Variants in WDFY3 observed in about 807,000 individuals in gnomAD.
WDFY3 encodes WD repeat and FYVE domain-containing protein 3.
In WDFY3, 66 loss-of-function variants were observed where a neutral mutation model predicts 409.6. The ratio of observed to expected loss-of-function variants is 0.16; its 90% confidence interval spans 0.13 to 0.20. The LOEUF (loss-of-function observed/expected upper bound fraction) is 0.20, where lower values mean the gene tolerates loss of function less well. Ranked by LOEUF, WDFY3 falls within the 10% of genes least tolerant of loss-of-function variation. The pLI is 1.00. For missense variants in WDFY3, 3,031 were observed against 4,298.1 expected (o/e 0.71, Z 8.24); for synonymous variants, 1,521 against 1,537.1 (o/e 0.99, Z 0.25).
intron 6 of WDFY3, among the ~76,000 whole-genome samples, chr4:84,838,105 G>A (rs1392060382): frequency 6.6e-6 from 1 of 152,168 alleles, no homozygotes; most frequent in Non-Finnish European, 1.5e-5. Flanking sequence ...TAGGAGGTTA[G>A]GCCATATGGT....
chr4:84,929,469 G>GC (rs371877964), intron 2 of WDFY3, among the ~76,000 whole-genome samples: 5,546 of 136,842 alleles, frequency 0.041, 97 homozygotes, highest in African/African-American at 0.054. Context: ...ATTGAATTGC[G>GC]CCCCCCCCCC....
At chr4:84,892,210 G>A (rs776675162) in intron 3 of WDFY3, among the ~76,000 whole-genome samples, 25 of 151,620 alleles carry the variant, frequency 1.6e-4, no homozygotes, top group African/African-American at 2.4e-4. Flanking sequence ...TAAACATAGC[G>A]TCACAATCAA....
intron 58 of WDFY3, among the ~76,000 whole-genome samples, chr4:84,693,785 C>G (rs982001347): frequency 6.6e-6 from 1 of 151,392 alleles, no homozygotes; most frequent in Non-Finnish European, 1.5e-5. Context: ...GTTCCAGCTA[C>G]TTGGGAGGGT....
At chr4:84,675,060 T>C (rs887026074) in intron 67 of WDFY3, among the ~76,000 whole-genome samples, 1 of 151,706 alleles carries the variant, frequency 6.6e-6, no homozygotes, top group Non-Finnish European at 1.5e-5. Flanking sequence ...AACCTCTGTC[T>C]GCTGGGTTCA....
chr4:84,809,249 T>C (rs558257372), intron 14 of WDFY3: 2 of 152,376 alleles, frequency 1.3e-5, no homozygotes, highest in East Asian at 3.9e-4. Flanking sequence ...CTATATGTAA[T>C]TGTTTATTTA....
intron 6 of WDFY3, among the ~76,000 whole-genome samples, chr4:84,839,701 T>C (rs1757067653): frequency 6.6e-6 from 1 of 151,252 alleles, no homozygotes; most frequent in Non-Finnish European, 1.5e-5. Context: ...CTACCAAAAA[T>C]ACAAAAATTA....
chr4:84,963,133 A>C (rs570653763), intron 1 of WDFY3, among the ~76,000 whole-genome samples: 3 of 151,996 alleles, frequency 2.0e-5, no homozygotes, highest in East Asian at 1.9e-4. Flanking sequence ...AAAACAAAAA[A>C]AAAAAAACGG....
intron 47 of WDFY3, among the ~76,000 whole-genome samples, chr4:84,719,853 T>C (rs980310522): frequency 1.3e-5 from 2 of 152,206 alleles, no homozygotes; most frequent in African/African-American, 4.8e-5. Flanking sequence ...TGTACTTTTA[T>C]AGTTACATGA....
intron 34 of WDFY3, among the ~76,000 whole-genome samples, chr4:84,754,956 A>T (rs552267398): frequency 6.6e-6 from 1 of 152,204 alleles, no homozygotes; most frequent in African/African-American, 2.4e-5. Flanking sequence ...CCTCACAAAT[A>T]CCCTAAGAGA....
At chr4:84,820,312 T>C (rs983244368) in intron 11 of WDFY3, 126 bp from the exon 12 acceptor site, 1 of 654,864 alleles carries the variant, frequency 1.5e-6, no homozygotes, top group African/African-American at 1.9e-5. Context: ...ACAGATATAA[T>C]ATAATCTTTA....
intron 2 of WDFY3, among the ~76,000 whole-genome samples, chr4:84,911,791 AATCT>A (rs1007747575): frequency 1.2e-4 from 18 of 152,332 alleles, no homozygotes; most frequent in African/African-American, 4.3e-4. Flanking sequence ...AATATATACA[AATCT>A]ATTATAAAAA....
At position 84,756,970 on chromosome 4, in the gene WDFY3, C is replaced by A. The variant is rs140936553; in HGVS notation, c.5380G>T (p.Val1794Phe). ...PVSELPENLQ[V>F]SVPVISCRSK... is the part of the protein sequence containing the mutation. ...CGGCAGCTGATGACAGGCACACTGA[C>A]CTGCAGGTTCTCAGGCAGCTCACTA... The change falls in exon 33 of 68, where the codon GTC becomes TTC. Residue 1794 changes from valine (V) to phenylalanine (F), a missense_variant. This residue lies in a region of WDFY3 where 342 missense variants were observed against 463.7 expected (regional missense o/e 0.74). Coordinates refer to ENST00000295888, the MANE Select transcript of WDFY3 (RefSeq NM_014991.6). The A allele has an allele frequency of 1.0e-4, 165 of 1,613,954 alleles. 1 individual carries two copies. The highest frequency in any genetic ancestry group is 1.2e-4 in the Non-Finnish European group (138 of 1,179,968).
intron 66 of WDFY3, among the ~76,000 whole-genome samples, 172 bp from the exon 67 acceptor site, chr4:84,677,568 G>A (rs1318870119): frequency 6.6e-6 from 1 of 152,126 alleles, no homozygotes; most frequent in Non-Finnish European, 1.5e-5. Flanking sequence ...AAACTGAACC[G>A]AGCCCAAATT....
intron 1 of WDFY3, among the ~76,000 whole-genome samples, chr4:84,939,504 A>T (rs1771845752): frequency 6.6e-6 from 1 of 152,162 alleles, no homozygotes; most frequent in African/African-American, 2.4e-5. Flanking sequence ...CTACTACGCT[A>T]GCTACAAAAT....
rs116739987 is a variant in WDFY3 at position 84,779,661 on chromosome 4, G to A, written c.4365+447C>T. On this transcript the variant is annotated intron_variant, in intron 26 of 67. Transcript: ENST00000295888. ...TCACGTCTCCTGAGTAAGTAACAGA[G>A]ATAAAAGATGGTGGGGTGTGAGGTG... Among the ~76,000 whole-genome samples the A allele has an allele frequency of 8.9e-3, 1,349 of 152,230 alleles. 18 individuals are homozygous for A. The highest frequency in any genetic ancestry group is 0.031 in the African/African-American group (1,286 of 41,540).
chr4:84,806,535 A>G (rs1560808166), intron 15 of WDFY3, among the ~76,000 whole-genome samples: 2 of 149,758 alleles, frequency 1.3e-5, no homozygotes, highest in African/African-American at 5.1e-5. Flanking sequence ...ATTTAAGGCC[A>G]TAAGTAACTC....
chr4:84,707,289 T>C (rs1560567761), intron 53 of WDFY3, among the ~76,000 whole-genome samples: 1 of 152,030 alleles, frequency 6.6e-6, no homozygotes. Context: ...GGCTGCAGTG[T>C]AGAGGGCACA....
At chr4:84,781,184 T>A (rs1197515682) in intron 25 of WDFY3, among the ~76,000 whole-genome samples, 3 of 151,362 alleles carry the variant, frequency 2.0e-5, no homozygotes, top group Admixed American at 1.3e-4. Flanking sequence ...TAGGAGAGCA[T>A]AAGTTTATAG....
rs780373619 is a variant in WDFY3, at chr4:84,690,566, A to C, written c.9303T>G (p.Val3101=). 6.2e-7 allele frequency: 1 copy of C among 1,614,004 alleles called. No individual in the cohort carries two copies. The highest frequency in any genetic ancestry group is 1.3e-5 in the African/African-American group (1 of 74,888). Residue 3101 remains valine, a synonymous_variant, in exon 61 of 68, where the codon GTT becomes GTG. Transcript: ENST00000295888. ...KLVITGGTST[V]VCVWEMGTSK... ...AGGTGCCCATCTCCCACACACACACAACCGTGCTTGTTCCACCCGTGATGA... is the reference window on the plus strand; with the variant it reads ...AGGTGCCCATCTCCCACACACACACCACCGTGCTTGTTCCACCCGTGATGA...
Sources: allele counts gnomAD v4.1 joint callset (sites outside exome capture counted in the v4.1 genomes callset), GRCh38; gene constraint gnomAD v4.1.1; regional missense constraint gnomAD v4.1.1; transcripts MANE v1.5; gene names NCBI Gene and HGNC (gene_info 2026-07-23, HGNC 2026-07-21).